RBFOX1: variants seen among roughly 807,000 people sequenced by gnomAD.
RBFOX1 encodes RNA binding fox-1 homolog 1.
Under a neutral mutation model 57.7 loss-of-function variants are expected in RBFOX1, and 8 were observed. The observed-to-expected ratio is 0.14, with a 90% CI of 0.08 to 0.25. The LOEUF is 0.25. Ranked by LOEUF, RBFOX1 falls within the 10% of genes least tolerant of loss-of-function variation. The pLI is 1.00. For synonymous variants in RBFOX1, 326 were observed against 222.4 expected (o/e 1.47, Z -4.15); for missense variants, 611 against 548.5 (o/e 1.11, Z -1.14).
intron 4 of RBFOX1, among the ~76,000 whole-genome samples, chr16:7,114,682 G>T (rs954597316): frequency 3.3e-5 from 5 of 152,132 alleles, no homozygotes; most frequent in Admixed American, 6.6e-5. Flanking sequence ...CTGCCTCTCT[G>T]GAAATGAGAG....
At chr16:5,862,022 C>T (rs2057230619) in intron 3 of RBFOX1, among the ~76,000 whole-genome samples, 1 of 152,170 alleles carries the variant, frequency 6.6e-6, no homozygotes, top group African/African-American at 2.4e-5. Context: ...AGAGTGACGG[C>T]CATTCTCTGT....
intron 3 of RBFOX1, among the ~76,000 whole-genome samples, chr16:6,782,056 G>C (rs555883902): frequency 1.3e-5 from 2 of 152,054 alleles, no homozygotes; most frequent in Non-Finnish European, 2.9e-5. Flanking sequence ...CACTGGGCTG[G>C]AGTGCAGTGG....
intron 4 of RBFOX1, among the ~76,000 whole-genome samples, chr16:7,508,227 C>T (rs1050638604): frequency 6.6e-6 from 1 of 152,070 alleles, no homozygotes; most frequent in African/African-American, 2.4e-5. Context: ...ATCCGCACGC[C>T]TCGGCCTTCC....
chr16:5,513,891 T>C (rs1189400038), intron 2 of RBFOX1, among the ~76,000 whole-genome samples: 1 of 152,148 alleles, frequency 6.6e-6, no homozygotes, highest in Non-Finnish European at 1.5e-5. Context: ...AAATCAGTAA[T>C]TGAGGTAAAT....
chr16:6,142,189 C>CAAAAAAAAAAAAA (rs71142685), intron 1 of RBFOX1, among the ~76,000 whole-genome samples: 4 of 49,092 alleles, frequency 8.1e-5, no homozygotes, highest in African/African-American at 3.6e-4. Context: ...GCTGCTGCTG[C>CAAAAAAAAAAAAA]AAAAAAAAAA....
chr16:6,797,858 A>G (rs527658194), intron 3 of RBFOX1, among the ~76,000 whole-genome samples: 1 of 152,278 alleles, frequency 6.6e-6, no homozygotes, highest in East Asian at 1.9e-4. Context: ...TTGAGTTGCT[A>G]TCCCATTTCT....
chr16:6,966,893 CTCCATCCATCCATCCA>C (rs35524908), intron 3 of RBFOX1, among the ~76,000 whole-genome samples: 11 of 149,480 alleles, frequency 7.4e-5, no homozygotes, highest in South Asian at 4.3e-4. Flanking sequence ...CTATTCATCT[CTCCATCCATCCATCCA>C]TCCATCCATC....
intron 3 of RBFOX1, among the ~76,000 whole-genome samples, chr16:5,821,449 C>T (rs949756334): frequency 6.6e-6 from 1 of 151,912 alleles, no homozygotes; most frequent in African/African-American, 2.4e-5. Context: ...ACTACAGGCA[C>T]CTGCCACTAA....
intron 3 of RBFOX1, among the ~76,000 whole-genome samples, chr16:7,045,415 A>C (rs2047570231): frequency 6.6e-6 from 1 of 152,162 alleles, no homozygotes; most frequent in South Asian, 2.1e-4. Flanking sequence ...CTTATTCCCA[A>C]ATCTCATTTT....
rs112909558 is a variant in RBFOX1, at chr16:5,442,484, C to G, written c.220-24732C>G. On this transcript the variant is annotated intron_variant, in intron 1 of 2. Coordinates refer to the RBFOX1 transcript ENST00000585867. ...GTGCTGAGTGGAGGCAGGGAGGTGA[C>G]TGAGCAAGTTGTGTACATGAGGCTG... Among the ~76,000 whole-genome samples the G allele has an allele frequency of 1.1e-3, 174 of 152,294 alleles. 1 individual carries two copies. The highest frequency in any genetic ancestry group is 4.0e-3 in the African/African-American group (166 of 41,560).
At chr16:6,976,122 G>C (rs192525241) in intron 3 of RBFOX1, among the ~76,000 whole-genome samples, 2 of 140,172 alleles carry the variant, frequency 1.4e-5, no homozygotes, top group Non-Finnish European at 3.2e-5. Flanking sequence ...GTGAGACTCC[G>C]TCTCAAAAAG....
At chr16:7,431,285 T>G (rs1261039753) in intron 4 of RBFOX1, 1 of 152,166 alleles carries the variant, frequency 6.6e-6, no homozygotes, top group Non-Finnish European at 1.5e-5. Flanking sequence ...AGGGCAGTGG[T>G]GCAATCATAG....
chr16:7,497,353 C>G (rs1358676717), intron 4 of RBFOX1, among the ~76,000 whole-genome samples: 1 of 152,122 alleles, frequency 6.6e-6, no homozygotes, highest in Non-Finnish European at 1.5e-5. Context: ...ACCTAACTCA[C>G]TCCATCATCT....
chr16:6,113,441 G>T (rs777950676), intron 1 of RBFOX1, among the ~76,000 whole-genome samples: 3 of 152,118 alleles, frequency 2.0e-5, no homozygotes, highest in South Asian at 4.1e-4. Context: ...GACATAAAAG[G>T]AAATTTTTCT....
intron 4 of RBFOX1, among the ~76,000 whole-genome samples, chr16:5,923,769 G>A (rs1410087621): frequency 6.6e-6 from 1 of 152,032 alleles, no homozygotes; most frequent in African/African-American, 2.4e-5. Context: ...TCAAACTCCT[G>A]ACCTCAAGTG....
At chr16:6,931,439 C>T (rs1270557094) in intron 3 of RBFOX1, among the ~76,000 whole-genome samples, 1 of 152,014 alleles carries the variant, frequency 6.6e-6, no homozygotes, top group Non-Finnish European at 1.5e-5. Context: ...TAAACGTCTG[C>T]TGCCTTGGAC....
At chr16:5,344,394 A>G (rs1221591374) in intron 1 of RBFOX1, among the ~76,000 whole-genome samples, 1 of 152,196 alleles carries the variant, frequency 6.6e-6, no homozygotes, top group Admixed American at 6.5e-5. Context: ...GGATCAAGCT[A>G]AAAAAGTAAT....
In RBFOX1 at chr16:7,587,236, T is replaced by A; in HGVS notation, c.415-11T>A. The A allele has an allele frequency of 1.3e-6, 2 of 1,548,314 alleles. No homozygotes were observed. Among genetic ancestry groups the A allele is most frequent in the Non-Finnish European group, 1.7e-6 (2 of 1,145,940 alleles). ...TCTTCTTGCTTATAAGATATTTCTA[T>A]TTCTTTGCAGCAATTTGGTAAAATC... On this transcript the variant is annotated splice_polypyrimidine_tract_variant and intron_variant, in intron 6 of 15. Transcript: ENST00000550418.
chr16:6,264,008 G>A (rs1454533563), intron 1 of RBFOX1, among the ~76,000 whole-genome samples: 2 of 152,140 alleles, frequency 1.3e-5, no homozygotes, highest in Non-Finnish European at 2.9e-5. Context: ...TTTACCTTAG[G>A]TAAATTGTTC....
Sources: allele counts gnomAD v4.1 joint callset (sites outside exome capture counted in the v4.1 genomes callset), GRCh38; gene constraint gnomAD v4.1.1; transcripts MANE v1.5; gene names NCBI Gene and HGNC (gene_info 2026-07-23, HGNC 2026-07-21).